C1orf21: variants seen among roughly 807,000 people sequenced by gnomAD.
C1orf21 encodes chromosome 1 open reading frame 21.
Under a neutral mutation model 18.7 loss-of-function variants are expected in C1orf21, and 3 were observed. The ratio of observed to expected loss-of-function variants is 0.16; its 90% CI spans 0.07 to 0.42. C1orf21 has a LOEUF of 0.42. C1orf21 is among the 10% of genes least tolerant of loss of function. The pLI is 0.99. For synonymous variants in C1orf21, 41 were observed against 46.4 expected (o/e 0.88, Z 0.47); for missense variants, 104 against 143.6 (o/e 0.72, Z 1.41).
chr1:184,512,885 A>G (rs1210085415), intron 3 of C1orf21, among the ~76,000 whole-genome samples: 1 of 152,194 alleles, frequency 6.6e-6, no homozygotes, highest in African/African-American at 2.4e-5. Context: ...CCGAAGCTTC[A>G]TCTGTATTTG....
At chr1:184,556,555 C>T (rs1658882743) in intron 3 of C1orf21, among the ~76,000 whole-genome samples, 1 of 152,178 alleles carries the variant, frequency 6.6e-6, no homozygotes, top group Non-Finnish European at 1.5e-5. Context: ...TCTTGGCCAC[C>T]ATTGTGACCA....
chr1:184,615,187 G>A (rs1225283313), intron 5 of C1orf21, among the ~76,000 whole-genome samples: 2 of 152,156 alleles, frequency 1.3e-5, no homozygotes, highest in African/African-American at 4.8e-5. Context: ...TGTGTGTTCT[G>A]CACTGACATC....
At chr1:184,392,072 G>A (rs1027894509) in intron 1 of C1orf21, among the ~76,000 whole-genome samples, 1 of 152,168 alleles carries the variant, frequency 6.6e-6, no homozygotes, top group Admixed American at 6.5e-5. Context: ...TTCTGTATTT[G>A]ACAGGCGTTC....
At chr1:184,515,690 G>T (rs4651216) in intron 3 of C1orf21, among the ~76,000 whole-genome samples, 72,712 of 151,910 alleles carry the variant, frequency 0.48, 18,184 homozygotes, top group African/African-American at 0.64. Context: ...GAAAATTATT[G>T]CTTTAATTAA....
At chr1:184,475,354 C>T (rs753014687) in intron 1 of C1orf21, among the ~76,000 whole-genome samples, 1 of 152,060 alleles carries the variant, frequency 6.6e-6, no homozygotes, top group Non-Finnish European at 1.5e-5. Flanking sequence ...CCCATCCCCA[C>T]CTGACCCCTC....
At chr1:184,618,559 T>G (rs1659866448) in intron 5 of C1orf21, among the ~76,000 whole-genome samples, 1 of 151,966 alleles carries the variant, frequency 6.6e-6, no homozygotes. Context: ...ATCTGAGAAA[T>G]AGTTATATGC....
At chr1:184,518,016 T>G (rs1218501900) in intron 3 of C1orf21, among the ~76,000 whole-genome samples, 1 of 152,162 alleles carries the variant, frequency 6.6e-6, no homozygotes, top group Non-Finnish European at 1.5e-5. Context: ...GTCATTCTAT[T>G]CTGTTTGTTG....
At chr1:184,430,627 G>A (rs1057346677) in intron 1 of C1orf21, among the ~76,000 whole-genome samples, 6 of 152,042 alleles carry the variant, frequency 3.9e-5, no homozygotes, top group African/African-American at 7.2e-5. Flanking sequence ...TAATTTATAC[G>A]AGGTCGAGAC....
intron 2 of C1orf21, among the ~76,000 whole-genome samples, chr1:184,482,757 C>A (rs1382747646): frequency 1.3e-5 from 2 of 152,092 alleles, no homozygotes; most frequent in African/African-American, 4.8e-5. Context: ...TGATCCTTTT[C>A]CTAAAGGTGT....
At chr1:184,437,284 C>T (rs1036667903) in intron 1 of C1orf21, among the ~76,000 whole-genome samples, 1 of 152,168 alleles carries the variant, frequency 6.6e-6, no homozygotes, top group African/African-American at 2.4e-5. Flanking sequence ...ATCAGGCGTA[C>T]TCCAAAATGA....
intron 1 of C1orf21, among the ~76,000 whole-genome samples, chr1:184,396,787 C>G (rs1332746820): frequency 6.6e-6 from 1 of 152,178 alleles, no homozygotes; most frequent in African/African-American, 2.4e-5. Context: ...ATTGTAATTG[C>G]TCATTCATTT....
intron 3 of C1orf21, among the ~76,000 whole-genome samples, chr1:184,579,485 CAA>C (rs1659245765): frequency 8.2e-6 from 1 of 122,666 alleles, no homozygotes; most frequent in African/African-American, 3.2e-5. Flanking sequence ...AGCATCCCAT[CAA>C]GATTTTCTTT....
chr1:184,511,893 G>C (rs1303333471), intron 3 of C1orf21, among the ~76,000 whole-genome samples: 1 of 152,180 alleles, frequency 6.6e-6, no homozygotes, highest in Non-Finnish European at 1.5e-5. Context: ...CATGAGAACA[G>C]CATGGGGGAA....
In C1orf21 at chr1:184,621,102, T is replaced by C. The variant is rs1659909614; in HGVS notation, c.*1546T>C. On this transcript the variant is annotated 3_prime_UTR_variant, in exon 6 of 6. Coordinates refer to ENST00000235307, the MANE Select transcript of C1orf21 (RefSeq NM_030806.4). Reference sequence around the variant, plus strand: ...GGAGAGTTAAGATGTTCTATGTCAATTTGCTCTTGCCGAAAAGATGAGCCT... The same window carrying C: ...GGAGAGTTAAGATGTTCTATGTCAACTTGCTCTTGCCGAAAAGATGAGCCT... 6.6e-6 allele frequency: 1 copy of C among 152,426 alleles called. No homozygotes were observed. Among genetic ancestry groups the C allele is most frequent in the Non-Finnish European group, 1.5e-5 (1 of 68,034 alleles). The allele number at this position is 152,426 out of a possible 1,614,324, so 9.4% of individuals were successfully genotyped here. A position where few individuals can be genotyped will look rare whatever the true frequency, so the allele number is the denominator to read the frequency against.
At chr1:184,506,978 T>A (rs1252976067) in intron 2 of C1orf21, among the ~76,000 whole-genome samples, 1 of 150,686 alleles carries the variant, frequency 6.6e-6, no homozygotes. Context: ...TATATATACA[T>A]ATATATGAAA....
At chr1:184,530,123 G>T (rs1229367072) in intron 3 of C1orf21, among the ~76,000 whole-genome samples, 1 of 152,150 alleles carries the variant, frequency 6.6e-6, no homozygotes, top group African/African-American at 2.4e-5. Flanking sequence ...TTAGTTATTA[G>T]TAATCTAAAT....
chr1:184,450,153 C>T (rs1308511005), intron 1 of C1orf21, among the ~76,000 whole-genome samples: 3 of 152,046 alleles, frequency 2.0e-5, no homozygotes, highest in African/African-American at 7.3e-5. Flanking sequence ...TGTGGGGTCA[C>T]CTTGTAGAGT....
chr1:184,447,290 A>G (rs1657049570), intron 1 of C1orf21, among the ~76,000 whole-genome samples: 3 of 152,224 alleles, frequency 2.0e-5, no homozygotes, highest in African/African-American at 4.8e-5. Context: ...CTTTGTCTGC[A>G]TATGCAAATG....
intron 5 of C1orf21, among the ~76,000 whole-genome samples, chr1:184,603,790 C>T (rs1659616071): frequency 6.6e-6 from 1 of 152,056 alleles, no homozygotes; most frequent in Non-Finnish European, 1.5e-5. Context: ...AGCAAGACTC[C>T]GTGTCAAAAA....
Sources: gnomAD v4.1 joint callset for allele counts (sites outside exome capture counted in the v4.1 genomes callset) on GRCh38, gnomAD v4.1.1 for gene constraint, MANE v1.5 for transcripts, NCBI Gene and HGNC (gene_info 2026-07-23, HGNC 2026-07-21) for gene names.